The following DCC variants were observed in gnomAD, a reference collection of about 807,000 sequenced individuals.
DCC encodes DCC netrin 1 receptor.
In DCC, 58 loss-of-function variants were observed where a neutral mutation model predicts 172.5. The observed-to-expected ratio is 0.34, with a 90% CI of 0.27 to 0.42. The LOEUF (loss-of-function observed/expected upper bound fraction) is 0.42. Ranked by LOEUF, DCC falls within the 10% of genes least tolerant of loss-of-function variation. The probability of loss-of-function intolerance (pLI) is 1.00; values close to 1 mark genes in which losing one functional copy is unlikely to be tolerated. For synonymous variants in DCC, 709 were observed against 644.5 expected, an observed-to-expected ratio of 1.10 and a Z score of -1.52; for missense variants, 1,740 against 1,791.0, an observed-to-expected ratio of 0.97 and a Z score of 0.51.
chr18:52,906,295 A>T lies in DCC; in HGVS notation c.664A>T (p.Thr222Ser), dbSNP rs766421516. The change falls in exon 3 of 29, where the codon ACA becomes TCA. Residue 222 changes from threonine to serine, a missense_variant. By Grantham distance (58) the Thr-to-Ser change is moderately conservative. Transcript: ENST00000442544. ...CSARNPASSR[T>S]GNEAEVRILS... ...AGCTCGAAATCCAGCCAGCTCAAGA[A>T]CAGGAAATGAAGCAGAAGTCAGAAT... 1 of 1,614,012 alleles carries T rather than the reference A, an allele frequency of 6.2e-7. No homozygotes were observed. The highest frequency in any genetic ancestry group is 1.7e-5 in the Admixed American group (1 of 60,014).
intron 15 of DCC, among the ~76,000 whole-genome samples, chr18:53,348,086 A>G (rs946253580): frequency 6.6e-6 from 1 of 152,162 alleles, no homozygotes; most frequent in Admixed American, 6.5e-5. Context: ...GTCTTATTTC[A>G]GCATTAACTC....
intron 1 of DCC, among the ~76,000 whole-genome samples, chr18:52,438,002 T>G (rs9963859): frequency 0.22 from 33,376 of 152,044 alleles, 3,991 homozygotes; most frequent in South Asian, 0.33. Context: ...CAAATATTAG[T>G]ATTAAGAGCC....
Position 52,698,764 on chromosome 18 carries a change from ATTTT to A in DCC, c.92-53275_92-53272del, listed in dbSNP as rs34646550. On this transcript the variant is annotated intron_variant, in intron 1 of 28. Transcript: ENST00000442544. ...CAGGCTCCCGCCACCACGCCTGGCT[ATTTT>A]TTTTTTTTTTTTTTGTAGTTTTAGT... is the stretch of plus-strand genomic sequence containing the variant. Among the ~76,000 whole-genome samples, 120 of 134,142 alleles carry A rather than the reference ATTTT, an allele frequency of 8.9e-4. 1 individual carries two copies. Among genetic ancestry groups the A allele is most frequent in the Middle Eastern group, 7.9e-3 (2 of 252 alleles). The allele number at this position is 134,142 out of a possible 152,430, so 88.0% of individuals were successfully genotyped here.
chr18:52,577,154 G>A (rs2033434008), intron 1 of DCC, among the ~76,000 whole-genome samples: 1 of 152,168 alleles, frequency 6.6e-6, no homozygotes, highest in South Asian at 2.1e-4. Flanking sequence ...TAGAATATGT[G>A]TAACTTCCTA....
chr18:52,667,640 G>A (rs2035479193), intron 1 of DCC, among the ~76,000 whole-genome samples: 1 of 152,170 alleles, frequency 6.6e-6, no homozygotes, highest in Non-Finnish European at 1.5e-5. Context: ...GCTTCTTCTT[G>A]AATAATTGGG....
At position 52,632,964 on chromosome 18, in the gene DCC, T is replaced by C. The variant is rs181615621; in HGVS notation, c.92-119090T>C. 2.6e-4 allele frequency among the ~76,000 whole-genome samples: 40 copies of C among 152,316 alleles called. No homozygotes were observed. In the South Asian group the frequency reaches 3.3e-3, roughly 13 times the overall value. On this transcript the variant is annotated intron_variant, in intron 1 of 28. Transcript: ENST00000442544. ...GTTTTCTTTATTTCTGACCAGGCTG[T>C]TCCCCAGGGATAATTTTAATTTTTC...
chr18:52,899,651 G>A (rs369938902), intron 2 of DCC, among the ~76,000 whole-genome samples: 12 of 151,532 alleles, frequency 7.9e-5, no homozygotes, highest in African/African-American at 2.2e-4. Context: ...CACCGTGCCC[G>A]GCCTTAAAAA....
intron 7 of DCC, among the ~76,000 whole-genome samples, chr18:53,122,031 G>A (rs1346674745): frequency 6.6e-6 from 1 of 151,956 alleles, no homozygotes; most frequent in East Asian, 1.9e-4. Context: ...CAGCAACGTT[G>A]TATTTTGGAA....
At chr18:53,090,698 C>CAAAAAAAAAAAAAAAACAAAAAA (rs2042991027) in intron 7 of DCC, among the ~76,000 whole-genome samples, 2 of 39,360 alleles carry the variant, frequency 5.1e-5, no homozygotes, top group Admixed American at 9.5e-4. Flanking sequence ...CGTCCCCCAA[C>CAAAAAAAAAAAAAAAACAAAAAA]AAAAAAAAAA....
intron 12 of DCC, among the ~76,000 whole-genome samples, chr18:53,221,037 T>G (rs1292999239): frequency 2.0e-5 from 3 of 152,142 alleles, no homozygotes; most frequent in South Asian, 2.1e-4. Flanking sequence ...AGGATAAGAT[T>G]GTGTTTGGTC....
rs1985147573 is a variant in DCC at position 52,372,141 on chromosome 18, C to G, written c.91+31263C>G. On this transcript the variant is annotated intron_variant, in intron 1 of 28. Transcript: ENST00000442544. Reference sequence around the variant, plus strand: ...AACAATGCTTTAGTTATGCCCTCTTCTTTTGCCTCCAACTACAAAGAGCTG... The same window carrying G: ...AACAATGCTTTAGTTATGCCCTCTTGTTTTGCCTCCAACTACAAAGAGCTG... 1.3e-5 allele frequency among the ~76,000 whole-genome samples: 2 copies of G among 152,232 alleles called. 1 individual carries two copies. Among genetic ancestry groups the G allele is most frequent in the South Asian group, 4.1e-4 (2 of 4,838 alleles).
At chr18:53,056,105 C>T (rs12955140) in intron 5 of DCC, among the ~76,000 whole-genome samples, 15,973 of 152,080 alleles carry the variant, frequency 0.11, 1,175 homozygotes, top group East Asian at 0.37. Context: ...CTACCTGAGA[C>T]TGAGTAACTT....
chr18:53,372,294 G>T (rs997094466), intron 15 of DCC, among the ~76,000 whole-genome samples: 23 of 151,990 alleles, frequency 1.5e-4, no homozygotes, highest in Admixed American at 6.6e-5. Context: ...CCATAAAAAA[G>T]AATGATATGG....
intron 7 of DCC, among the ~76,000 whole-genome samples, chr18:53,137,238 A>G (rs1252677186): frequency 6.6e-6 from 1 of 152,196 alleles, no homozygotes; most frequent in African/African-American, 2.4e-5. Context: ...CAATCCAGGT[A>G]TTGGCCAAGG....
chr18:52,620,162 AG>A (rs1323122398), intron 1 of DCC, among the ~76,000 whole-genome samples: 2 of 152,222 alleles, frequency 1.3e-5, no homozygotes, highest in African/African-American at 4.8e-5. Flanking sequence ...ATTTACTTCT[AG>A]TTCTTATCTA....
intron 1 of DCC, among the ~76,000 whole-genome samples, chr18:52,408,355 T>A (rs185381375): frequency 2.9e-3 from 437 of 152,162 alleles, no homozygotes; most frequent in East Asian, 4.9e-3. Flanking sequence ...TTTTTAAAAA[T>A]TTTTATTAAA....
rs1035969785 is a variant in DCC at position 53,461,107 on chromosome 18, C to T, written c.3619+1649C>T. 2.4e-3 allele frequency among the ~76,000 whole-genome samples: 368 copies of T among 152,206 alleles called. 1 individual carries two copies. The highest frequency in any genetic ancestry group is 8.1e-3 in the African/African-American group (335 of 41,510). The stretch of plus-strand genomic sequence containing the variant: ...TTGAGAAGTGTCTGTTCATGTCCTT[C>T]GCCCACTTTTTGATGGGGTTGTTTG... On this transcript the variant is annotated intron_variant, in intron 24 of 28. Transcript: ENST00000442544.
At chr18:52,913,289 G>A (rs146809773) in intron 3 of DCC, among the ~76,000 whole-genome samples, 4 of 152,182 alleles carry the variant, frequency 2.6e-5, no homozygotes, top group East Asian at 1.9e-4. Flanking sequence ...ATGTTGATAA[G>A]CCTAACCTGA....
At chr18:53,268,628 C>A (rs541207978) in intron 12 of DCC, among the ~76,000 whole-genome samples, 1 of 152,040 alleles carries the variant, frequency 6.6e-6, no homozygotes, top group Non-Finnish European at 1.5e-5. Context: ...AAAAAAATGG[C>A]GAGATTCATA....
Sources: gnomAD v4.1 joint callset for allele counts (sites outside exome capture counted in the v4.1 genomes callset) on GRCh38, gnomAD v4.1.1 for gene constraint, MANE v1.5 for transcripts, NCBI Gene and HGNC (gene_info 2026-07-23, HGNC 2026-07-21) for gene names.